The following TMEM132D variants were observed in gnomAD, a reference collection of about 807,000 sequenced individuals.
The protein encoded by TMEM132D is mature OL transmembrane protein.
A neutral mutation model predicts 62.3 loss-of-function variants in TMEM132D; 21 were observed. The ratio of observed to expected loss-of-function variants is 0.34; its 90% CI spans 0.24 to 0.49. TMEM132D has a LOEUF of 0.49. Among genes scored for constraint, TMEM132D ranks in the 20% least tolerant of loss-of-function variants. TMEM132D has a pLI of 0.99. For synonymous variants in TMEM132D, 621 were observed against 575.6 expected (o/e 1.08, Z -1.13); for missense variants, 1,346 against 1,402.8 (o/e 0.96, Z 0.65).
At chr12:129,799,543 T>A (rs1871690783) in intron 1 of TMEM132D, among the ~76,000 whole-genome samples, 1 of 151,936 alleles carries the variant, frequency 6.6e-6, no homozygotes, top group Non-Finnish European at 1.5e-5. Context: ...AGCTGCAGGT[T>A]TTCCTCGTCT....
chr12:129,434,173 G>A (rs1350541462), intron 3 of TMEM132D, among the ~76,000 whole-genome samples: 1 of 152,178 alleles, frequency 6.6e-6, no homozygotes. Flanking sequence ...GTTGGAAGAG[G>A]AGGTCCAGTG....
chr12:129,305,583 T>G (rs1276181110), intron 4 of TMEM132D, among the ~76,000 whole-genome samples: 2 of 152,132 alleles, frequency 1.3e-5, no homozygotes, highest in African/African-American at 4.8e-5. Context: ...CTTAAAAAAA[T>G]ATATGCCCAG....
intron 1 of TMEM132D, among the ~76,000 whole-genome samples, chr12:129,861,267 C>T (rs1038995074): frequency 2.0e-5 from 3 of 152,122 alleles, no homozygotes; most frequent in African/African-American, 7.2e-5. Flanking sequence ...TCTAACCAAC[C>T]CCCACCTTAC....
intron 1 of TMEM132D, among the ~76,000 whole-genome samples, chr12:129,733,777 G>A (rs575122332): frequency 1.1e-4 from 16 of 152,246 alleles, no homozygotes; most frequent in Admixed American, 3.3e-4. Context: ...GCCCTGGACC[G>A]GCACAGTCGC....
chr12:129,364,480 G>A (rs1282837994), intron 3 of TMEM132D, among the ~76,000 whole-genome samples: 4 of 152,242 alleles, frequency 2.6e-5, no homozygotes, highest in South Asian at 2.1e-4. Context: ...CCTATGCAAA[G>A]CTTGTAGAGG....
intron 1 of TMEM132D, among the ~76,000 whole-genome samples, chr12:129,771,474 A>T (rs370951167): frequency 6.6e-6 from 1 of 152,200 alleles, no homozygotes; most frequent in African/African-American, 2.4e-5. Context: ...AAACACAGCA[A>T]TGGGTCTTAA....
intron 7 of TMEM132D, among the ~76,000 whole-genome samples, chr12:129,079,514 CA>C (rs1874385831): frequency 1.3e-5 from 2 of 152,174 alleles, no homozygotes; most frequent in African/African-American, 4.8e-5. Flanking sequence ...ACCCTTCGCC[CA>C]AATGATAAAC....
At chr12:129,782,301 C>T (rs1291067325) in intron 1 of TMEM132D, among the ~76,000 whole-genome samples, 3 of 152,236 alleles carry the variant, frequency 2.0e-5, no homozygotes, top group African/African-American at 7.2e-5. Context: ...TTTTTCGGAT[C>T]GGGAGATGTT....
chr12:129,368,348 A>G (rs11060281), intron 3 of TMEM132D, among the ~76,000 whole-genome samples: 7,152 of 152,194 alleles, frequency 0.047, 524 homozygotes, highest in East Asian at 0.35. Context: ...TGTGTGAAAT[A>G]TTCCTTAACC....
At position 129,592,212 on chromosome 12, in the gene TMEM132D, A is replaced by T. The variant is rs7134546; in HGVS notation, c.969-61007T>A. Among the ~76,000 whole-genome samples the T allele has an allele frequency of 2.3e-3, 249 of 108,734 alleles. 1 individual carries two copies. The highest frequency in any genetic ancestry group is 8.7e-3 in the African/African-American group (242 of 27,732). 71.3% of individuals were successfully genotyped at this position (108,734 alleles called of 152,430 possible). A position where few individuals can be genotyped will look rare whatever the true frequency, so the allele number is the denominator to read the frequency against. On this transcript the variant is annotated intron_variant, in intron 2 of 8. Coordinates refer to ENST00000422113, the MANE Select transcript of TMEM132D (RefSeq NM_133448.3). ...TAAGAAACTACTGAATATAATGTCC[A>T]TCTGATTTTAGGGAGTAAAAAAAAT...
chr12:129,503,628 G>C (rs1037934766), intron 3 of TMEM132D, among the ~76,000 whole-genome samples: 13 of 152,104 alleles, frequency 8.5e-5, no homozygotes, highest in Non-Finnish European at 1.3e-4. Context: ...AGTCCCCACA[G>C]GTCATTCATC....
intron 1 of TMEM132D, among the ~76,000 whole-genome samples, chr12:129,742,017 G>C (rs1378269342): frequency 1.3e-5 from 2 of 152,038 alleles, no homozygotes; most frequent in Non-Finnish European, 2.9e-5. Flanking sequence ...CATACCACAA[G>C]GTATGCAAAA....
chr12:129,368,369 T>A (rs1469108073), intron 3 of TMEM132D, among the ~76,000 whole-genome samples: 1 of 152,176 alleles, frequency 6.6e-6, no homozygotes. Flanking sequence ...CCTTCCACAT[T>A]CTCCATCCTT....
intron 4 of TMEM132D, among the ~76,000 whole-genome samples, chr12:129,323,478 G>C (rs757487603): frequency 2.6e-5 from 4 of 152,152 alleles, no homozygotes; most frequent in African/African-American, 9.7e-5. Context: ...CTGGTGAACC[G>C]AAGAAAATTA....
At chr12:129,699,342 G>A (rs1881315287) in intron 2 of TMEM132D, among the ~76,000 whole-genome samples, 1 of 152,108 alleles carries the variant, frequency 6.6e-6, no homozygotes, top group Non-Finnish European at 1.5e-5. Flanking sequence ...TAACTTTGAG[G>A]TTGGTACCAT....
intron 5 of TMEM132D, among the ~76,000 whole-genome samples, chr12:129,114,123 C>T (rs532820523): frequency 3.9e-5 from 6 of 152,298 alleles, no homozygotes; most frequent in Middle Eastern, 3.4e-3. Context: ...AGAAGGTACA[C>T]CTGCCTGATA....
chr12:129,318,543 G>A (rs1162772254), intron 4 of TMEM132D, among the ~76,000 whole-genome samples: 1 of 152,190 alleles, frequency 6.6e-6, no homozygotes, highest in African/African-American at 2.4e-5. Context: ...TTCCAGTGGA[G>A]GTGGCAGGGG....
intron 2 of TMEM132D, among the ~76,000 whole-genome samples, chr12:129,687,730 C>T (rs1045601655): frequency 3.3e-5 from 5 of 152,056 alleles, no homozygotes; most frequent in African/African-American, 9.7e-5. Flanking sequence ...TTTAGGCTTC[C>T]GAGGTCTAGG....
intron 5 of TMEM132D, among the ~76,000 whole-genome samples, chr12:129,151,770 C>T (rs1877079552): frequency 6.6e-6 from 1 of 152,046 alleles, no homozygotes; most frequent in South Asian, 2.1e-4. Flanking sequence ...GTCTGCTTCT[C>T]TTCTGATTTT....
Sources: allele counts gnomAD v4.1 joint callset (sites outside exome capture counted in the v4.1 genomes callset), GRCh38; gene constraint gnomAD v4.1.1; transcripts MANE v1.5; gene names NCBI Gene and HGNC (gene_info 2026-07-23, HGNC 2026-07-21).